The following NRXN1 variants were observed in gnomAD, a reference collection of about 807,000 sequenced individuals.
NRXN1 encodes the protein neurexin 1.
NRXN1 carries 39 observed loss-of-function variants against 150.9 expected under a neutral mutation model. The observed-to-expected ratio is 0.26, with a 90% confidence interval of 0.20 to 0.34. NRXN1 has a LOEUF of 0.34. NRXN1 is among the 10% of genes least tolerant of loss of function. The pLI, the probability that NRXN1 is intolerant of heterozygous loss-of-function variation, is 1.00. For missense variants in NRXN1, 1,815 were observed against 1,949.9 expected (o/e 0.93, Z 1.30); for synonymous variants, 924 against 757.0 (o/e 1.22, Z -3.62).
chr2:49,953,966 A>G (rs1674460889), intron 21 of NRXN1, among the ~76,000 whole-genome samples: 1 of 152,088 alleles, frequency 6.6e-6, no homozygotes, highest in South Asian at 2.1e-4. Context: ...AGGCACATGT[A>G]TACCTATGTA....
chr2:50,321,055 C>G (rs1262847809), intron 17 of NRXN1, among the ~76,000 whole-genome samples: 1 of 152,080 alleles, frequency 6.6e-6, no homozygotes, highest in Non-Finnish European at 1.5e-5. Context: ...GCTGAGGAAG[C>G]AAAGAGAAAA....
chr2:50,933,558 G>A (rs779008238), intron 2 of NRXN1, among the ~76,000 whole-genome samples: 10 of 152,008 alleles, frequency 6.6e-5, no homozygotes, highest in African/African-American at 2.2e-4. Flanking sequence ...TTTGTTCATA[G>A]GTACAACCAA....
chr2:50,273,638 C>A (rs2070010298), intron 17 of NRXN1, among the ~76,000 whole-genome samples: 1 of 151,958 alleles, frequency 6.6e-6, no homozygotes, highest in Admixed American at 6.6e-5. Flanking sequence ...ATAGGAAGGG[C>A]CTGATACATC....
At chr2:50,372,523 G>A (rs528282554) in intron 17 of NRXN1, among the ~76,000 whole-genome samples, 1 of 151,988 alleles carries the variant, frequency 6.6e-6, no homozygotes, top group African/African-American at 2.4e-5. Flanking sequence ...TTATTTAGAT[G>A]AATAATCCAG....
At chr2:50,172,765 G>A (rs1193446873) in intron 18 of NRXN1, among the ~76,000 whole-genome samples, 1 of 152,052 alleles carries the variant, frequency 6.6e-6, no homozygotes, top group East Asian at 1.9e-4. Flanking sequence ...TCAGGAGTTC[G>A]AGACCAGCCT....
chr2:50,342,137 G>A (rs921156140), intron 17 of NRXN1, among the ~76,000 whole-genome samples: 3 of 152,034 alleles, frequency 2.0e-5, no homozygotes, highest in South Asian at 2.1e-4. Context: ...CTCATAGTAG[G>A]AATTTATGAT....
intron 21 of NRXN1, among the ~76,000 whole-genome samples, chr2:50,041,803 A>G (rs1691012032): frequency 1.3e-5 from 2 of 152,216 alleles, no homozygotes; most frequent in African/African-American, 4.8e-5. Flanking sequence ...AGAGGGGACC[A>G]TTAACAATGC....
intron 17 of NRXN1, among the ~76,000 whole-genome samples, chr2:50,434,611 T>A (rs1178567392): frequency 6.6e-6 from 1 of 152,142 alleles, no homozygotes; most frequent in Admixed American, 6.5e-5. Flanking sequence ...AATGGGAAGG[T>A]CATCTTTAAG....
chr2:50,883,849 CA>C (rs1215569338), intron 5 of NRXN1, among the ~76,000 whole-genome samples: 1 of 151,690 alleles, frequency 6.6e-6, no homozygotes, highest in Non-Finnish European at 1.5e-5. Flanking sequence ...TCCATTTTTA[CA>C]AAATACAGAA....
chr2:50,050,633 G>A (rs17039718), intron 21 of NRXN1, among the ~76,000 whole-genome samples: 13 of 151,980 alleles, frequency 8.6e-5, no homozygotes, highest in African/African-American at 2.2e-4. Context: ...TTACAGTTTC[G>A]AAATTAACAT....
chr2:50,087,680 A>C (rs1698982014), intron 19 of NRXN1, among the ~76,000 whole-genome samples: 1 of 152,158 alleles, frequency 6.6e-6, no homozygotes, highest in African/African-American at 2.4e-5. Context: ...ATAGAAAATA[A>C]TGGATACTAG....
intron 5 of NRXN1, among the ~76,000 whole-genome samples, chr2:50,832,419 C>A (rs67300886): frequency 0.16 from 24,031 of 152,016 alleles, 2,131 homozygotes; most frequent in Non-Finnish European, 0.19. Context: ...TGGGAGTCCA[C>A]GGTGGGCCGA....
intron 17 of NRXN1, among the ~76,000 whole-genome samples, chr2:50,329,625 A>G (rs866829856): frequency 0.23 from 1,493 of 6,500 alleles, 29 homozygotes; most frequent in East Asian, 0.41. Context: ...GTGTATATAT[A>G]TATATATATA....
chr2:50,616,119 T>C (rs1309388201), intron 8 of NRXN1: 1 of 152,182 alleles, frequency 6.6e-6, no homozygotes, highest in Non-Finnish European at 1.5e-5. Context: ...GTGAGTCATT[T>C]TTCAATGAGT....
intron 5 of NRXN1, among the ~76,000 whole-genome samples, chr2:50,662,113 T>C (rs1396886644): frequency 6.6e-6 from 1 of 152,084 alleles, no homozygotes; most frequent in Non-Finnish European, 1.5e-5. Flanking sequence ...ACTGAAATGC[T>C]ATAAACTAAA....
At chr2:50,663,782 T>C (rs1489051434) in intron 5 of NRXN1, among the ~76,000 whole-genome samples, 1 of 152,064 alleles carries the variant, frequency 6.6e-6, no homozygotes, top group East Asian at 1.9e-4. Context: ...CAGTATGCAC[T>C]ACATCCACTT....
intron 21 of NRXN1, among the ~76,000 whole-genome samples, chr2:50,008,917 T>C (rs1277403262): frequency 6.6e-5 from 10 of 152,252 alleles, no homozygotes; most frequent in African/African-American, 2.4e-4. Context: ...GTTATCAATG[T>C]TAATTACAAA....
At chr2:50,501,683 G>C (rs376686653) in intron 13 of NRXN1, among the ~76,000 whole-genome samples, 1 of 151,660 alleles carries the variant, frequency 6.6e-6, no homozygotes, top group African/African-American at 2.4e-5. Flanking sequence ...ACACAGACTG[G>C]ATGATGAATT....
chr2:50,843,224 C>G (rs1673131954), intron 5 of NRXN1, among the ~76,000 whole-genome samples: 1 of 152,132 alleles, frequency 6.6e-6, no homozygotes, highest in African/African-American at 2.4e-5. Flanking sequence ...CTTCCACAAG[C>G]CATTATTCCA....
Sources: allele counts gnomAD v4.1 joint callset (sites outside exome capture counted in the v4.1 genomes callset), GRCh38; gene constraint gnomAD v4.1.1; transcripts MANE v1.5; gene names NCBI Gene and HGNC (gene_info 2026-07-23, HGNC 2026-07-21).